SLC9B1: variants seen among roughly 807,000 people sequenced by gnomAD.
SLC9B1 encodes solute carrier family 9 member B1, also known as sodium/hydrogen exchanger 9B1.
SLC9B1 carries 32 observed loss-of-function variants against 51.7 expected under a neutral mutation model. The observed-to-expected ratio is 0.62, with a 90% CI of 0.47 to 0.83. The LOEUF is 0.83. SLC9B1 is among the 40% of genes least tolerant of loss of function. SLC9B1 has a pLI of 0.00. For synonymous variants in SLC9B1, 145 were observed against 212.7 expected (o/e 0.68, Z 2.77); for missense variants, 406 against 613.2 (o/e 0.66, Z 3.57).
chr4:102,980,715 G>A (rs1464756712), intron 3 of SLC9B1, among the ~76,000 whole-genome samples: 1 of 151,930 alleles, frequency 6.6e-6, no homozygotes, highest in African/African-American at 2.4e-5. Context: ...TGCACATCCT[G>A]CATATGTACC....
At chr4:102,987,553 T>A (rs1189142367) in intron 3 of SLC9B1, among the ~76,000 whole-genome samples, 1 of 152,082 alleles carries the variant, frequency 6.6e-6, no homozygotes, top group African/African-American at 2.4e-5. Context: ...TAGGTTAGGC[T>A]CTGATAAAAA....
At chr4:102,967,981 T>C (rs571730961) in intron 3 of SLC9B1, among the ~76,000 whole-genome samples, 2 of 152,286 alleles carry the variant, frequency 1.3e-5, no homozygotes, top group African/African-American at 4.8e-5. Flanking sequence ...AGAAAGATTA[T>C]TGGAAAAATT....
At chr4:102,905,810 A>G (rs1462956923) in intron 10 of SLC9B1, among the ~76,000 whole-genome samples, 160 bp from the exon 11 acceptor site, 1 of 152,206 alleles carries the variant, frequency 6.6e-6, no homozygotes, top group South Asian at 2.1e-4. Flanking sequence ...AAAAATGAAT[A>G]TGATGGAGGA....
chr4:103,013,403 C>A (rs1357486458), intron 1 of SLC9B1, among the ~76,000 whole-genome samples: 1 of 152,118 alleles, frequency 6.6e-6, no homozygotes, highest in Non-Finnish European at 1.5e-5. Flanking sequence ...GGTGTCCTTT[C>A]TTTGTCTTTG....
chr4:102,958,949 T>C (rs1486942596), intron 3 of SLC9B1, among the ~76,000 whole-genome samples: 1 of 149,626 alleles, frequency 6.7e-6, no homozygotes, highest in Admixed American at 6.7e-5. Context: ...AACAGAGAAA[T>C]TGAAATAGGG....
At chr4:102,986,579 C>T (rs950207536) in intron 3 of SLC9B1, among the ~76,000 whole-genome samples, 1 of 152,124 alleles carries the variant, frequency 6.6e-6, no homozygotes, top group African/African-American at 2.4e-5. Flanking sequence ...TTTCTGTCTT[C>T]CTTTTCCTTT....
chr4:102,960,882 A>C (rs1207781178), intron 3 of SLC9B1, among the ~76,000 whole-genome samples: 1 of 151,760 alleles, frequency 6.6e-6, no homozygotes, highest in African/African-American at 2.4e-5. Flanking sequence ...ACAGGCATGC[A>C]GCACCATACC....
intron 7 of SLC9B1, among the ~76,000 whole-genome samples, chr4:102,919,462 G>A (rs900493918): frequency 3.3e-5 from 5 of 152,182 alleles, no homozygotes; most frequent in African/African-American, 1.2e-4. Flanking sequence ...AATAGGAACA[G>A]TTCCGGTCTG....
intron 4 of SLC9B1, among the ~76,000 whole-genome samples, chr4:102,947,966 A>AGTGATGGTGGTTATAGCG (rs146368841): frequency 0.54 from 82,083 of 150,936 alleles, 22,903 homozygotes; most frequent in African/African-American, 0.68. Flanking sequence ...TGAATCCATG[A>AGTGATGGTGGTTATAGCG]GTGATGGTGG....
chr4:102,983,054 C>G (rs111505447), intron 3 of SLC9B1, among the ~76,000 whole-genome samples: 1 of 152,066 alleles, frequency 6.6e-6, no homozygotes, highest in Non-Finnish European at 1.5e-5. Flanking sequence ...GAGGAAGTTT[C>G]CACTCTATTC....
chr4:102,929,667 TGTGCCACCACA>T (rs1736356169), intron 7 of SLC9B1, among the ~76,000 whole-genome samples: 1 of 152,182 alleles, frequency 6.6e-6, no homozygotes. Flanking sequence ...ATTACAGGCC[TGTGCCACCACA>T]CCCAGCTAAC....
intron 3 of SLC9B1, among the ~76,000 whole-genome samples, chr4:102,987,599 A>G (rs1739704187): frequency 6.6e-6 from 1 of 152,168 alleles, no homozygotes; most frequent in African/African-American, 2.4e-5. Flanking sequence ...TAAGAAGAAC[A>G]GAATACTGTG....
At chr4:102,917,647 G>T (rs1286938449) in intron 7 of SLC9B1, among the ~76,000 whole-genome samples, 1 of 151,764 alleles carries the variant, frequency 6.6e-6, no homozygotes, top group Non-Finnish European at 1.5e-5. Context: ...GAAGAGGACA[G>T]TTTATATATC....
intron 3 of SLC9B1, among the ~76,000 whole-genome samples, chr4:102,977,540 T>C (rs186479302): frequency 8.0e-4 from 122 of 152,314 alleles, no homozygotes; most frequent in African/African-American, 2.7e-3. Flanking sequence ...AATGACATTT[T>C]GATGTATCTA....
rs1328803800 is a variant in SLC9B1 at position 103,019,596 on chromosome 4, T to A, written c.-2+3A>T. 2 of 985,346 alleles carry A rather than the reference T, an allele frequency of 2.0e-6. No individual in the cohort carries two copies. Among genetic ancestry groups the A allele is most frequent in the African/African-American group, 3.5e-5 (2 of 57,242 alleles). The allele number at this position is 985,346 out of a possible 1,614,324, so 61.0% of individuals were successfully genotyped here. A position where few individuals can be genotyped will look rare whatever the true frequency, so the allele number is the denominator to read the frequency against. On this transcript the variant is annotated splice_donor_region_variant and intron_variant, in intron 1 of 11. Transcript: ENST00000296422. ...GGGCGGCGTTAAGAAAAATGGGCCG[T>A]ACCTACAACTTCTTTCGCAGCCCTC...
intron 6 of SLC9B1, among the ~76,000 whole-genome samples, chr4:102,944,750 CAAGAGTTTTTGT>C: frequency 6.6e-6 from 1 of 152,286 alleles, no homozygotes; most frequent in South Asian, 2.1e-4. Flanking sequence ...GGATATACGG[CAAGAGTTTTTGT>C]TTGCTTGCTT....
chr4:102,997,167 A>T (rs565096865), intron 1 of SLC9B1, among the ~76,000 whole-genome samples: 2 of 152,006 alleles, frequency 1.3e-5, no homozygotes, highest in Admixed American at 1.3e-4. Flanking sequence ...TGACTTTTTG[A>T]TCCTTTGTAT....
At chr4:102,929,507 G>T (rs1252637279) in intron 7 of SLC9B1, among the ~76,000 whole-genome samples, 6 of 152,132 alleles carry the variant, frequency 3.9e-5, no homozygotes, top group African/African-American at 1.4e-4. Flanking sequence ...ATAGTAGCCG[G>T]CAAAAGGAAG....
chr4:102,904,301 C>G (rs1468721692), intron 11 of SLC9B1, among the ~76,000 whole-genome samples: 1 of 152,012 alleles, frequency 6.6e-6, no homozygotes, highest in Non-Finnish European at 1.5e-5. Flanking sequence ...CTCAAGTGAT[C>G]TGCCTGCCTC....
Sources: allele counts gnomAD v4.1 joint callset (sites outside exome capture counted in the v4.1 genomes callset), GRCh38; gene constraint gnomAD v4.1.1; transcripts MANE v1.5; gene names NCBI Gene and HGNC (gene_info 2026-07-23, HGNC 2026-07-21).